The following SULF1 variants were observed in gnomAD, a reference collection of about 807,000 sequenced individuals.
The protein encoded by SULF1 is extracellular sulfatase Sulf-1.
SULF1 carries 46 observed loss-of-function variants against 110.5 expected under a neutral mutation model. That is an observed-to-expected ratio of 0.42 (90% CI 0.33 to 0.53). The LOEUF (loss-of-function observed/expected upper bound fraction) is 0.53, where lower values mean the gene tolerates loss of function less well. SULF1 is among the 20% of genes least tolerant of loss of function. The pLI, the probability that SULF1 is intolerant of heterozygous loss-of-function variation, is 0.12. For missense variants in SULF1, 941 were observed against 1,094.2 expected (o/e 0.86, Z 1.98); for synonymous variants, 371 against 387.1 (o/e 0.96, Z 0.49).
chr8:69,524,783 G>A (rs1349802543), intron 3 of SULF1, among the ~76,000 whole-genome samples: 1 of 152,006 alleles, frequency 6.6e-6, no homozygotes. Flanking sequence ...AGTATCAAGG[G>A]GCCAATAACA....
intron 13 of SULF1, among the ~76,000 whole-genome samples, chr8:69,619,184 T>G (rs1394428653): frequency 6.6e-6 from 1 of 152,174 alleles, no homozygotes; most frequent in African/African-American, 2.4e-5. Context: ...AAAGAAGAGT[T>G]TCTCACTCTT....
intron 3 of SULF1, among the ~76,000 whole-genome samples, chr8:69,518,762 G>A (rs928476788): frequency 2.0e-5 from 3 of 152,290 alleles, no homozygotes; most frequent in Admixed American, 1.3e-4. Flanking sequence ...CTGGCTGTGT[G>A]AAGTGTAAGT....
intron 1 of SULF1, among the ~76,000 whole-genome samples, chr8:69,474,137 T>C (rs192092879): frequency 5.8e-4 from 88 of 152,332 alleles, no homozygotes; most frequent in Non-Finnish European, 1.0e-3. Flanking sequence ...TTTGGTATGA[T>C]GTTACAGGCA....
chr8:69,564,434 C>T (rs1410855955), intron 5 of SULF1, among the ~76,000 whole-genome samples: 1 of 152,070 alleles, frequency 6.6e-6, no homozygotes, highest in Non-Finnish European at 1.5e-5. Flanking sequence ...ATTGAAAGCC[C>T]TCAGTTAAGA....
At chr8:69,559,300 A>C (rs56753205) in intron 3 of SULF1, among the ~76,000 whole-genome samples, 30,199 of 152,218 alleles carry the variant, frequency 0.2, 3,112 homozygotes, top group African/African-American at 0.24. Context: ...CTTGTACTTC[A>C]AATGCATTTT....
In SULF1 at chr8:69,601,738, T is replaced by C; in HGVS notation, c.970T>C (p.Phe324Leu). 1 of 1,613,950 alleles carries C rather than the reference T, an allele frequency of 6.2e-7. No individual in the cohort carries two copies. Among genetic ancestry groups the C allele is most frequent in the Non-Finnish European group, 8.5e-7 (1 of 1,179,950 alleles). Residue 324 changes from phenylalanine to leucine, a missense_variant, in exon 10 of 23, where the codon TTT (phenylalanine) becomes CTT (leucine). This residue lies in a region of SULF1 where 822 missense variants were observed against 934.3 expected (regional missense o/e 0.88). Coordinates refer to ENST00000402687, the MANE Select transcript of SULF1 (RefSeq NM_001128205.2). The stretch of plus-strand genomic sequence containing the variant: ...CGACCATGGTTACCATATTGGGCAG[T>C]TTGGACTGGTCAAGGGGAAATCCAT... ...TADHGYHIGQ[F>L]GLVKGKSMPY... is the part of the protein sequence containing the mutation.
chr8:69,610,107 G>A (rs1808527754), intron 13 of SULF1, among the ~76,000 whole-genome samples: 1 of 152,216 alleles, frequency 6.6e-6, no homozygotes, highest in Non-Finnish European at 1.5e-5. Context: ...CTTTTGATGA[G>A]TTGTTGAATT....
rs895657882 is a variant in SULF1 at position 69,659,866 on chromosome 8, T to C, written c.*1331T>C. On this transcript the variant is annotated 3_prime_UTR_variant, in exon 23 of 23. Coordinates refer to ENST00000402687, the MANE Select transcript of SULF1 (RefSeq NM_001128205.2). ...ATTTTTACAGGCTTATCAGTCTCAC[T>C]GTTGGCTGTCATTGTGACAAAGTCA... The C allele has an allele frequency of 6.5e-6, 1 of 152,938 alleles. No individual in the cohort carries two copies. Among genetic ancestry groups the C allele is most frequent in the African/African-American group, 2.4e-5 (1 of 41,462 alleles). The allele number at this position is 152,938 out of a possible 1,614,324, so 9.5% of individuals were successfully genotyped here.
intron 3 of SULF1, among the ~76,000 whole-genome samples, chr8:69,517,807 C>T (rs547379808): frequency 2.9e-4 from 44 of 152,284 alleles, no homozygotes; most frequent in African/African-American, 9.9e-4. Context: ...ATTTCTGCAT[C>T]TTCCCTTTTC....
intron 22 of SULF1, among the ~76,000 whole-genome samples, chr8:69,656,629 A>G (rs1303138489): frequency 6.6e-6 from 1 of 152,156 alleles, no homozygotes; most frequent in East Asian, 1.9e-4. Context: ...AGCTTCATCC[A>G]TGTCCCTGAA....
intron 13 of SULF1, among the ~76,000 whole-genome samples, chr8:69,617,760 G>A (rs1247132599): frequency 6.6e-6 from 1 of 152,028 alleles, no homozygotes; most frequent in African/African-American, 2.4e-5. Flanking sequence ...TCAACTAACT[G>A]TGGAGACAGC....
chr8:69,526,843 G>GAGGA (rs1812725766), intron 3 of SULF1, among the ~76,000 whole-genome samples: 2 of 71,318 alleles, frequency 2.8e-5, no homozygotes, highest in Admixed American at 1.4e-4. Flanking sequence ...GGAAGGAAGG[G>GAGGA]AGGAAGGAAG....
intron 13 of SULF1, among the ~76,000 whole-genome samples, chr8:69,610,977 CTT>C (rs1056452483): frequency 4.6e-5 from 7 of 152,246 alleles, no homozygotes; most frequent in African/African-American, 9.6e-5. Flanking sequence ...TTACTTCTCT[CTT>C]CTCACCTAAG....
At chr8:69,482,619 T>A (rs1354743272) in intron 1 of SULF1, among the ~76,000 whole-genome samples, 1 of 152,054 alleles carries the variant, frequency 6.6e-6, no homozygotes, top group African/African-American at 2.4e-5. Flanking sequence ...GGGAATGAAA[T>A]TGATAAGGCA....
chr8:69,569,614 A>G (rs1007976707), intron 5 of SULF1, among the ~76,000 whole-genome samples: 1 of 152,204 alleles, frequency 6.6e-6, no homozygotes, highest in African/African-American at 2.4e-5. Flanking sequence ...TATCAAAGGT[A>G]AAACAACAAA....
Position 69,564,003 on chromosome 8 carries a change from T to C in SULF1, c.28T>C (p.Leu10=). ...GAAGTATTCTTGCTGTGCTCTGGTTTTGGCTGTCCTGGGCACAGAATTGCT... is the reference window on the plus strand; with the variant it reads ...GAAGTATTCTTGCTGTGCTCTGGTTCTGGCTGTCCTGGGCACAGAATTGCT... MKYSCCALV[L]AVLGTELLGS... is the part of the protein sequence containing the mutation. Residue 10 remains leucine, a synonymous_variant, in exon 5 of 23, where the codon TTG becomes CTG. Transcript: ENST00000402687. 1 of 1,614,194 alleles carries C rather than the reference T, an allele frequency of 6.2e-7. No individual in the cohort carries two copies. The highest frequency in any genetic ancestry group is 8.5e-7 in the Non-Finnish European group (1 of 1,180,026).
intron 3 of SULF1, among the ~76,000 whole-genome samples, chr8:69,543,651 C>A (rs1814018440): frequency 6.6e-6 from 1 of 152,102 alleles, no homozygotes. Context: ...GATTCCATGT[C>A]TTTAGAAGCC....
Position 69,470,710 on chromosome 8 carries a change from T to C in SULF1, c.-391+3760T>C, listed in dbSNP as rs1809047121. ...GTCAGTTTCATCAAAGCTCTTCTAGTCTGAAAATTACCACATAAACCCTTA... is the reference window on the plus strand; with the variant it reads ...GTCAGTTTCATCAAAGCTCTTCTAGCCTGAAAATTACCACATAAACCCTTA... On this transcript the variant is annotated intron_variant, in intron 1 of 22. Transcript: ENST00000260128. Among the ~76,000 whole-genome samples the C allele has an allele frequency of 2.0e-5, 3 of 152,218 alleles. No individual in the cohort carries two copies. The South Asian group carries it at 6.2e-4, about 32-fold the overall frequency.
intron 22 of SULF1, among the ~76,000 whole-genome samples, chr8:69,641,338 AT>A (rs1193554975): frequency 6.6e-6 from 1 of 152,194 alleles, no homozygotes; most frequent in Non-Finnish European, 1.5e-5. Flanking sequence ...GTTGATGTTC[AT>A]TCATTAACTT....
Sources: allele counts gnomAD v4.1 joint callset (sites outside exome capture counted in the v4.1 genomes callset), GRCh38; gene constraint gnomAD v4.1.1; regional missense constraint gnomAD v4.1.1; transcripts MANE v1.5; gene names NCBI Gene and HGNC (gene_info 2026-07-23, HGNC 2026-07-21).